Variants in MTUS1 observed in about 807,000 individuals in gnomAD.
MTUS1 encodes the protein microtubule associated scaffold protein 1, also known as microtubule-associated tumor suppressor 1.
In MTUS1, 109 loss-of-function variants were observed where a neutral mutation model predicts 120.8. That is an observed-to-expected ratio of 0.90 (90% CI 0.77 to 1.06). MTUS1 has a LOEUF of 1.06. Among genes scored for constraint, MTUS1 ranks in the 50% least tolerant of loss-of-function variants. The pLI, the probability that MTUS1 is intolerant of heterozygous loss-of-function variation, is 0.00. For missense variants in MTUS1, 2,210 were observed against 1,486.3 expected (o/e 1.49, Z -8.01); for synonymous variants, 737 against 550.5 (o/e 1.34, Z -4.74).
Position 17,754,212 on chromosome 8 carries a change from G to C in MTUS1, c.1596C>G (p.Pro532=). The C allele has an allele frequency of 6.2e-7, 1 of 1,614,004 alleles. No homozygotes were observed. Among genetic ancestry groups the C allele is most frequent in the Non-Finnish European group, 8.5e-7 (1 of 1,180,010 alleles). ...ATGAGGCACTGGTCTGCTGAGGTCT[G>C]GGCGTGACCTTTGATAAAGCAGCAT... ...PKDAALSKVT[P]RPQQTSASSP... The change falls in exon 2 of 15, where the codon CCC becomes CCG. Residue 532 remains proline (P), a synonymous_variant. Transcript: ENST00000693296.
chr8:17,769,593 C>T (rs1207981869), intron 1 of MTUS1, among the ~76,000 whole-genome samples: 3 of 151,860 alleles, frequency 2.0e-5, no homozygotes, highest in Non-Finnish European at 4.4e-5. Context: ...GTGATCCACC[C>T]GCCTCGGCCT....
intron 1 of MTUS1, among the ~76,000 whole-genome samples, chr8:17,756,446 T>G (rs2048614837): frequency 6.6e-6 from 1 of 152,096 alleles, no homozygotes; most frequent in Admixed American, 6.5e-5. Context: ...AGACAGGCCA[T>G]GAAAGCCCAG....
At chr8:17,674,799 G>T in intron 8 of MTUS1, 1 of 1,026,994 alleles carries the variant, frequency 9.7e-7, no homozygotes, top group African/African-American at 1.7e-5. Context: ...ACCCTTGGAA[G>T]TACAACGGAT....
At chr8:17,769,921 C>T (rs1017879060) in intron 1 of MTUS1, among the ~76,000 whole-genome samples, 9 of 39,268 alleles carry the variant, frequency 2.3e-4, no homozygotes, top group Admixed American at 1.7e-3. Flanking sequence ...CACACACACA[C>T]ACACACGGGG....
At chr8:17,770,975 T>G (rs557082052) in intron 1 of MTUS1, among the ~76,000 whole-genome samples, 5 of 152,258 alleles carry the variant, frequency 3.3e-5, no homozygotes, top group Admixed American at 2.0e-4. Context: ...TTCCAGTGAT[T>G]TGGATAATGA....
At chr8:17,709,063 G>A (rs531467567) in intron 6 of MTUS1, 25 of 152,168 alleles carry the variant, frequency 1.6e-4, no homozygotes, top group African/African-American at 5.8e-4. Flanking sequence ...CGTGAACCAG[G>A]GAGGCAGAGC....
intron 4 of MTUS1, chr8:17,721,941 G>A (rs774320332): frequency 1.1e-5 from 17 of 1,584,328 alleles, no homozygotes; most frequent in Non-Finnish European, 1.4e-5. Context: ...AAAAACTGCA[G>A]CCATGTTCAC....
intron 3 of MTUS1, among the ~76,000 whole-genome samples, chr8:17,731,378 C>T (rs192165182): frequency 4.5e-4 from 69 of 152,186 alleles, no homozygotes; most frequent in Non-Finnish European, 4.1e-4. Flanking sequence ...GTACTCCTTA[C>T]CTCATAGGTT....
chr8:17,731,433 A>G, intron 3 of MTUS1, among the ~76,000 whole-genome samples: 1 of 152,240 alleles, frequency 6.6e-6, no homozygotes, highest in East Asian at 1.9e-4. Flanking sequence ...TGCTTAGAAC[A>G]GCATCTGGCA....
At chr8:17,779,075 G>T (rs432495) in intron 1 of MTUS1, among the ~76,000 whole-genome samples, 6 of 152,092 alleles carry the variant, frequency 3.9e-5, no homozygotes, top group African/African-American at 1.4e-4. Context: ...ACGGGATTAG[G>T]GGTCAAGGAA....
chr8:17,742,310 T>TTTA (rs2047396514), intron 3 of MTUS1, among the ~76,000 whole-genome samples: 3 of 146,126 alleles, frequency 2.1e-5, no homozygotes, highest in Non-Finnish European at 4.5e-5. Context: ...TTTTTTTTTT[T>TTTA]TAGAGATAGT....
At chr8:17,750,766 T>G (rs2048131268) in intron 2 of MTUS1, among the ~76,000 whole-genome samples, 1 of 152,250 alleles carries the variant, frequency 6.6e-6, no homozygotes, top group Non-Finnish European at 1.5e-5. Flanking sequence ...AAGCACTGAA[T>G]AAATATCAAT....
intron 1 of MTUS1, among the ~76,000 whole-genome samples, chr8:17,765,039 T>A (rs1023071045): frequency 6.6e-6 from 1 of 152,172 alleles, no homozygotes; most frequent in Non-Finnish European, 1.5e-5. Flanking sequence ...GACAGTCCCA[T>A]CTGGAAGTGA....
At chr8:17,654,753 A>G in intron 9 of MTUS1, 87 bp from the exon 10 acceptor site, 2 of 871,092 alleles carry the variant, frequency 2.3e-6, no homozygotes, top group Non-Finnish European at 3.8e-6. Flanking sequence ...AGGAGACGTC[A>G]CAGCTTCACA....
intron 3 of MTUS1, among the ~76,000 whole-genome samples, chr8:17,733,705 C>A (rs568997053): frequency 3.9e-5 from 6 of 152,324 alleles, no homozygotes; most frequent in South Asian, 2.1e-4. Context: ...GAAAGCCAAT[C>A]TGTTGTGTCC....
chr8:17,677,927 A>G (rs1028696162), intron 7 of MTUS1, among the ~76,000 whole-genome samples: 3 of 152,226 alleles, frequency 2.0e-5, no homozygotes, highest in African/African-American at 7.2e-5. Context: ...GTGAAAATAT[A>G]AAAGAAATTT....
chr8:17,691,079 T>G (rs947408760), intron 6 of MTUS1, among the ~76,000 whole-genome samples: 4 of 152,240 alleles, frequency 2.6e-5, no homozygotes. Flanking sequence ...TATATACAGC[T>G]TGCCATATTC....
intron 1 of MTUS1, among the ~76,000 whole-genome samples, chr8:17,767,454 T>C (rs2049612125): frequency 6.6e-6 from 1 of 150,610 alleles, no homozygotes; most frequent in African/African-American, 2.4e-5. Context: ...CCCAAAACAT[T>C]AGGAGTCCAA....
At chr8:17,679,997 A>C (rs567721067) in intron 7 of MTUS1, among the ~76,000 whole-genome samples, 54 of 152,348 alleles carry the variant, frequency 3.5e-4, no homozygotes, top group South Asian at 1.7e-3. Context: ...GTGGTTTCAT[A>C]AGAAAGAACT....
Sources: allele counts gnomAD v4.1 joint callset (sites outside exome capture counted in the v4.1 genomes callset), GRCh38; gene constraint gnomAD v4.1.1; transcripts MANE v1.5; gene names NCBI Gene and HGNC (gene_info 2026-07-23, HGNC 2026-07-21).